The following RFX8 variants were observed in gnomAD, a reference collection of about 807,000 sequenced individuals.
The protein encoded by RFX8 is regulatory factor X8.
RFX8 carries 46 observed loss-of-function variants against 54.6 expected under a neutral mutation model. The ratio of observed to expected loss-of-function variants is 0.84; its 90% CI spans 0.67 to 1.08. The LOEUF (loss-of-function observed/expected upper bound fraction) is 1.08, where lower values mean the gene tolerates loss of function less well. RFX8 is among the 50% of genes least tolerant of loss of function. The pLI is 0.00. For missense variants in RFX8, 536 were observed against 562.3 expected, an observed-to-expected ratio of 0.95 and a Z score of 0.47; for synonymous variants, 192 against 209.5, an observed-to-expected ratio of 0.92 and a Z score of 0.72.
intron 1 of RFX8, among the ~76,000 whole-genome samples, chr2:101,473,487 G>A (rs1280384472): frequency 1.3e-5 from 2 of 151,962 alleles, no homozygotes; most frequent in Non-Finnish European, 2.9e-5. Context: ...GGCCTGCCAG[G>A]GTTATAATCA....
At chr2:101,471,390 G>T (rs1689983876) in intron 1 of RFX8, among the ~76,000 whole-genome samples, 1 of 152,022 alleles carries the variant, frequency 6.6e-6, no homozygotes, top group African/African-American at 2.4e-5. Context: ...CCCACACTAG[G>T]AACTATAGTA....
chr2:101,423,276 A>G (rs981507474), intron 2 of RFX8, among the ~76,000 whole-genome samples: 29 of 150,612 alleles, frequency 1.9e-4, no homozygotes, highest in African/African-American at 6.1e-4. Flanking sequence ...AAAAAAAAAA[A>G]GAAGCAATTA....
intron 1 of RFX8, among the ~76,000 whole-genome samples, chr2:101,471,249 A>G (rs1457054323): frequency 6.6e-6 from 1 of 151,862 alleles, no homozygotes; most frequent in African/African-American, 2.4e-5. Flanking sequence ...TAGGAGAATC[A>G]CTTGAACCTG....
At chr2:101,435,516 C>T (rs983755751) in intron 2 of RFX8, among the ~76,000 whole-genome samples, 7 of 152,120 alleles carry the variant, frequency 4.6e-5, no homozygotes, top group Non-Finnish European at 1.0e-4. Flanking sequence ...TTACAAAGAG[C>T]TGTTTCTCCA....
chr2:101,423,693 G>A (rs917314522), intron 2 of RFX8, among the ~76,000 whole-genome samples: 3 of 152,226 alleles, frequency 2.0e-5, no homozygotes, highest in East Asian at 3.9e-4. Context: ...AATTGCTTAT[G>A]TGGGTTTTGG....
chr2:101,445,451 G>A (rs1316780445), intron 2 of RFX8, among the ~76,000 whole-genome samples: 1 of 151,748 alleles, frequency 6.6e-6, no homozygotes, highest in Non-Finnish European at 1.5e-5. Context: ...GGAGTGCAGT[G>A]GCGTGATCAT....
At chr2:101,441,377 G>A (rs372959723) in intron 2 of RFX8, among the ~76,000 whole-genome samples, 8 of 152,272 alleles carry the variant, frequency 5.3e-5, no homozygotes, top group African/African-American at 1.9e-4. Context: ...ATGGATTCAT[G>A]GATTAATGGG....
At chr2:101,433,039 G>A (rs1687576835) in intron 2 of RFX8, among the ~76,000 whole-genome samples, 2 of 152,292 alleles carry the variant, frequency 1.3e-5, no homozygotes, top group South Asian at 2.1e-4. Flanking sequence ...GGTCAGCTGG[G>A]GATGGAGGGA....
intron 2 of RFX8, among the ~76,000 whole-genome samples, chr2:101,453,746 G>T (rs571972631): frequency 5.9e-5 from 9 of 151,880 alleles, no homozygotes; most frequent in Admixed American, 5.9e-4. Context: ...ATTATGCCAC[G>T]GATATTTCCC....
In RFX8 at chr2:101,427,506, C is replaced by T. The variant is rs976381496; in HGVS notation, c.73-5034G>A. On this transcript the variant is annotated intron_variant, in intron 2 of 11. Coordinates refer to ENST00000428343, the MANE Select transcript of RFX8 (RefSeq NM_001145664.2). ...GGAATGGATTCTTCCCTAGAATGTCCGGGAGGAACACGGCTCTGCGAACAT... is the reference window on the plus strand; with the variant it reads ...GGAATGGATTCTTCCCTAGAATGTCTGGGAGGAACACGGCTCTGCGAACAT... Among the ~76,000 whole-genome samples the T allele has an allele frequency of 1.8e-4, 27 of 152,232 alleles. 1 individual carries two copies. Among genetic ancestry groups the T allele is most frequent in the Admixed American group, 2.6e-4 (4 of 15,292 alleles).
chr2:101,436,537 C>T (rs1348892951), intron 2 of RFX8, among the ~76,000 whole-genome samples: 1 of 152,138 alleles, frequency 6.6e-6, no homozygotes, highest in Non-Finnish European at 1.5e-5. Flanking sequence ...TCCAGTTCCT[C>T]CCTTAGGCAA....
intron 2 of RFX8, among the ~76,000 whole-genome samples, chr2:101,459,520 G>C (rs1160230075): frequency 6.6e-6 from 1 of 152,138 alleles, no homozygotes; most frequent in Non-Finnish European, 1.5e-5. Context: ...TCCAGACCCC[G>C]TTTGCCAGGG....
chr2:101,471,845 A>C (rs541614178), intron 1 of RFX8, among the ~76,000 whole-genome samples: 27 of 152,370 alleles, frequency 1.8e-4, no homozygotes, highest in Admixed American at 1.5e-3. Flanking sequence ...GGGTCCTAAC[A>C]AGCGACTGAT....
At chr2:101,427,329 AG>A (rs1227829288) in intron 2 of RFX8, among the ~76,000 whole-genome samples, 1 of 152,194 alleles carries the variant, frequency 6.6e-6, no homozygotes, top group Admixed American at 6.5e-5. Flanking sequence ...GTCATCACAA[AG>A]GTGCTTTAGA....
intron 2 of RFX8, among the ~76,000 whole-genome samples, chr2:101,432,638 C>T (rs1005851193): frequency 1.2e-4 from 19 of 152,130 alleles, no homozygotes; most frequent in African/African-American, 3.9e-4. Context: ...CTGCCCCCTG[C>T]GTCATTTCCA....
At chr2:101,452,522 T>A in intron 2 of RFX8, 1 of 586,076 alleles carries the variant, frequency 1.7e-6, no homozygotes, top group East Asian at 3.4e-5. Flanking sequence ...TCTTACAATA[T>A]TTAAATGATA....
Position 101,412,969 on chromosome 2 carries a change from G to T in RFX8, c.664C>A (p.Leu222Met). 6.4e-7 allele frequency: 1 copy of T among 1,551,870 alleles called. No individual in the cohort carries two copies. The change falls in exon 8 of 12, where the codon CTG becomes ATG. Residue 222 changes from leucine (L) to methionine (M), a missense_variant. Leu to Met is a conservative substitution (Grantham distance 15). Coordinates refer to ENST00000428343, the MANE Select transcript of RFX8 (RefSeq NM_001145664.2). ...TCTGCGCCACTCCGGTCACTTGCCA[G>T]GGCTTTCTTAGAAGTAGCCAAAGTG... ...QGTLATSKKA[L>M]ASDRSGADEL...
intron 2 of RFX8, among the ~76,000 whole-genome samples, chr2:101,449,809 T>C (rs1184858520): frequency 6.6e-6 from 1 of 151,436 alleles, no homozygotes; most frequent in East Asian, 1.9e-4. Flanking sequence ...GGAAGAGTAA[T>C]GGCGATTATC....
At chr2:101,402,793 A>G in intron 10 of RFX8, 41 bp from the exon 11 acceptor site, 1 of 1,485,566 alleles carries the variant, frequency 6.7e-7, no homozygotes, top group Non-Finnish European at 9.1e-7. Flanking sequence ...CATTTGATCG[A>G]CAGACAATAA....
Sources: gnomAD v4.1 joint callset for allele counts (sites outside exome capture counted in the v4.1 genomes callset) on GRCh38, gnomAD v4.1.1 for gene constraint, MANE v1.5 for transcripts, NCBI Gene and HGNC (gene_info 2026-07-23, HGNC 2026-07-21) for gene names.